Variants in IFNGR2 observed in about 807,000 individuals in gnomAD.
IFNGR2 encodes the protein IFN-gamma receptor 2.
Under a neutral mutation model 41.1 loss-of-function variants are expected in IFNGR2, and 15 were observed. The ratio of observed to expected loss-of-function variants is 0.37; its 90% confidence interval spans 0.24 to 0.56. The LOEUF (loss-of-function observed/expected upper bound fraction) is 0.56. Among genes scored for constraint, IFNGR2 ranks in the 20% least tolerant of loss-of-function variants. The pLI is 0.81. For synonymous variants in IFNGR2, 161 were observed against 171.6 expected, an observed-to-expected ratio of 0.94 and a Z score of 0.48; for missense variants, 362 against 415.7, an observed-to-expected ratio of 0.87 and a Z score of 1.12.
At chr21:33,431,352 C>G (rs2083885025) in intron 4 of IFNGR2, among the ~76,000 whole-genome samples, 1 of 152,062 alleles carries the variant, frequency 6.6e-6, no homozygotes, top group African/African-American at 2.4e-5. Flanking sequence ...GGTGGATCAC[C>G]TGAGATCAGG....
At chr21:33,436,724 A>AAAAAAT (rs923330566) in intron 6 of IFNGR2, 104 bp from the exon 7 acceptor site, 6 of 975,420 alleles carry the variant, frequency 6.2e-6, no homozygotes, top group Admixed American at 5.4e-5. Flanking sequence ...CATCTCAAAA[A>AAAAAAT]AAAAATAAAA....
At chr21:33,418,916 CCT>C (rs2083771892) in intron 2 of IFNGR2, among the ~76,000 whole-genome samples, 3 of 152,140 alleles carry the variant, frequency 2.0e-5, no homozygotes, top group Non-Finnish European at 4.4e-5. Flanking sequence ...ACTGCCAGCC[CCT>C]CTCTCAGACC....
intron 1 of IFNGR2, chr21:33,410,921 G>A: frequency 7.0e-7 from 1 of 1,419,916 alleles, no homozygotes; most frequent in South Asian, 1.2e-5. Flanking sequence ...GGTGTAACCT[G>A]TATGAAACCT....
upstream of IFNGR2, chr21:33,403,159 G>C (rs1481241672): frequency 6.6e-6 from 1 of 152,494 alleles, no homozygotes; most frequent in Non-Finnish European, 1.5e-5. Context: ...GTCTCGCGGG[G>C]CCCTTCCGGA....
chr21:33,424,505 A>G lies in IFNGR2; in HGVS notation c.413-2379A>G, dbSNP rs2083819811. 4.6e-5 allele frequency among the ~76,000 whole-genome samples: 7 copies of G among 152,080 alleles called. No individual in the cohort carries two copies. In the South Asian group the frequency reaches 1.5e-3, roughly 32 times the overall value. On this transcript the variant is annotated intron_variant, in intron 3 of 6. Coordinates refer to ENST00000290219, the MANE Select transcript of IFNGR2 (RefSeq NM_005534.4). ...AAAAGCTTGACACAGTGGTGGTCTC[A>G]TGTCACATCTGCCACTTTCACCTCT...
At chr21:33,435,451 CAATCAGAA>C (rs1355878034) in intron 6 of IFNGR2, among the ~76,000 whole-genome samples, 1 of 152,064 alleles carries the variant, frequency 6.6e-6, no homozygotes, top group Non-Finnish European at 1.5e-5. Context: ...GCTTTTCTTC[CAATCAGAA>C]AATCAGAAGA....
intron 3 of IFNGR2, 103 bp from the exon 4 acceptor site, chr21:33,426,777 CTATA>C (rs146481328): frequency 1.5e-4 from 79 of 537,734 alleles, no homozygotes; most frequent in East Asian, 2.7e-4. Flanking sequence ...TCTACACCCA[CTATA>C]TATATATATA....
In IFNGR2 at chr21:33,434,180, G is replaced by A. The variant is rs535291726; in HGVS notation, c.879+1309G>A. Among the ~76,000 whole-genome samples the A allele has an allele frequency of 3.3e-5, 5 of 152,238 alleles. No homozygotes were observed. The East Asian group carries it at 7.7e-4, about 24-fold the overall frequency. On this transcript the variant is annotated intron_variant, in intron 6 of 6. Transcript: ENST00000290219. ...AGGCCATTGGGCCTTCTGAGGACAC[G>A]GTCAGGACATTTTGGGGATCAGAGG...
intron 6 of IFNGR2, among the ~76,000 whole-genome samples, chr21:33,434,521 C>G (rs1052041773): frequency 2.0e-5 from 3 of 151,838 alleles, no homozygotes; most frequent in Non-Finnish European, 4.4e-5. Context: ...GACTCCATCT[C>G]AAAAAAATAA....
chr21:33,410,711 G>A (rs769123727), intron 1 of IFNGR2: 34 of 668,282 alleles, frequency 5.1e-5, no homozygotes, highest in Middle Eastern at 3.2e-4. Flanking sequence ...CAGGTGATCC[G>A]CCCACCTCAG....
At chr21:33,413,422 C>CT (rs1462221145) in intron 1 of IFNGR2, among the ~76,000 whole-genome samples, 15 of 152,192 alleles carry the variant, frequency 9.9e-5, no homozygotes, top group Admixed American at 2.0e-4. Flanking sequence ...GGCAATTCAT[C>CT]TTTCAGAAGA....
rs556031234 is a variant in IFNGR2 at position 33,416,126 on chromosome 21, T to C, written c.206+1106T>C. Reference sequence around the variant, plus strand: ...ATTTGCCCGCCTGGGCCTCCCAAAGTGCTGGGATTGCAGGCATGAGCCACC... The same window carrying C: ...ATTTGCCCGCCTGGGCCTCCCAAAGCGCTGGGATTGCAGGCATGAGCCACC... On this transcript the variant is annotated intron_variant, in intron 2 of 6. Coordinates refer to ENST00000290219, the MANE Select transcript of IFNGR2 (RefSeq NM_005534.4). Among the ~76,000 whole-genome samples the C allele has an allele frequency of 2.0e-5, 3 of 152,286 alleles. No individual in the cohort carries two copies. In the East Asian group the frequency reaches 5.8e-4, roughly 29 times the overall value.
chr21:33,425,297 T>C (rs2083826732), intron 3 of IFNGR2, among the ~76,000 whole-genome samples: 1 of 152,234 alleles, frequency 6.6e-6, no homozygotes, highest in East Asian at 1.9e-4. Flanking sequence ...ACTCCACACA[T>C]TGTCGTCCAG....
chr21:33,432,141 T>G, intron 4 of IFNGR2, 36 bp from the exon 5 acceptor site: 1 of 1,599,818 alleles, frequency 6.3e-7, no homozygotes, highest in Non-Finnish European at 8.6e-7. Context: ...TTGGCCATGT[T>G]CATTTACATG....
intron 3 of IFNGR2, among the ~76,000 whole-genome samples, chr21:33,422,766 A>G (rs1440406689): frequency 5.3e-5 from 8 of 149,538 alleles, no homozygotes; most frequent in Non-Finnish European, 1.2e-4. Flanking sequence ...AATCCCAGCT[A>G]CTTGGGAAGC....
intron 1 of IFNGR2, among the ~76,000 whole-genome samples, chr21:33,410,547 C>T (rs571213753): frequency 0.48 from 585 of 1,214 alleles, 1 homozygote; most frequent in Admixed American, 0.5. Context: ...CAGCTCATTG[C>T]AACCTCCACT....
intron 1 of IFNGR2, among the ~76,000 whole-genome samples, chr21:33,408,094 T>C (rs1381383967): frequency 6.6e-6 from 1 of 152,164 alleles, no homozygotes; most frequent in Non-Finnish European, 1.5e-5. Flanking sequence ...AGTCCTTAAT[T>C]ATCAAGATTA....
At chr21:33,406,505 CTT>C (rs1385058699) in intron 1 of IFNGR2, among the ~76,000 whole-genome samples, 2 of 152,190 alleles carry the variant, frequency 1.3e-5, no homozygotes, top group African/African-American at 4.8e-5. Flanking sequence ...AAGAAACACT[CTT>C]TTAGTCAAAA....
intron 1 of IFNGR2, among the ~76,000 whole-genome samples, chr21:33,407,074 G>T (rs969129098): frequency 3.3e-5 from 5 of 152,014 alleles, no homozygotes; most frequent in Non-Finnish European, 7.4e-5. Context: ...GGCCGTTTGC[G>T]CTAGATAGAA....
Sources: allele counts gnomAD v4.1 joint callset (sites outside exome capture counted in the v4.1 genomes callset), GRCh38; gene constraint gnomAD v4.1.1; transcripts MANE v1.5; gene names NCBI Gene and HGNC (gene_info 2026-07-23, HGNC 2026-07-21).